Variants in EIF2S2 observed in about 807,000 individuals in gnomAD.
The protein encoded by EIF2S2 is eukaryotic translation initiation factor 2 subunit beta.
EIF2S2 carries 4 observed loss-of-function variants against 44.0 expected under a neutral mutation model. The ratio of observed to expected loss-of-function variants is 0.09; its 90% CI spans 0.04 to 0.21. The LOEUF is 0.21. Among genes scored for constraint, EIF2S2 ranks in the 10% least tolerant of loss-of-function variants. The pLI, the probability that EIF2S2 is intolerant of heterozygous loss-of-function variation, is 1.00. For missense variants in EIF2S2, 154 were observed against 392.0 expected, an observed-to-expected ratio of 0.39 and a Z score of 5.13; for synonymous variants, 108 against 128.3, an observed-to-expected ratio of 0.84 and a Z score of 1.07.
At chr20:34,101,193 C>A (rs535374470) in intron 3 of EIF2S2, among the ~76,000 whole-genome samples, 1 of 152,318 alleles carries the variant, frequency 6.6e-6, no homozygotes, top group South Asian at 2.1e-4. Context: ...ACCTGTCATC[C>A]CAGCACTTTG....
In EIF2S2 at chr20:34,101,099, T is replaced by G. The variant is rs371321444; in HGVS notation, c.297+2363A>C. Among the ~76,000 whole-genome samples, 31 of 152,356 alleles carry G rather than the reference T, an allele frequency of 2.0e-4. No homozygotes were observed. The East Asian group carries it at 4.4e-3, about 22-fold the overall frequency. ...TAGCTGGGAGTAAATAAAGCTCAGA[T>G]TCGGGATCCCAAATCCAGTTGTGTA... On this transcript the variant is annotated intron_variant, in intron 3 of 8. Transcript: ENST00000374980.
intron 1 of EIF2S2, among the ~76,000 whole-genome samples, chr20:34,111,641 G>C (rs905039627): frequency 6.6e-6 from 1 of 152,172 alleles, no homozygotes; most frequent in East Asian, 1.9e-4. Context: ...TACCGGCCCC[G>C]ACAAGATAGC....
intron 2 of EIF2S2, among the ~76,000 whole-genome samples, chr20:34,105,083 A>G (rs1292261123): frequency 1.3e-5 from 2 of 152,204 alleles, no homozygotes; most frequent in African/African-American, 2.4e-5. Flanking sequence ...ACACTCAAAT[A>G]CAACTACCAT....
At chr20:34,110,035 T>A (rs942862965) in intron 1 of EIF2S2, among the ~76,000 whole-genome samples, 1 of 147,896 alleles carries the variant, frequency 6.8e-6, no homozygotes, top group Non-Finnish European at 1.5e-5. Context: ...CAGGAGGCGG[T>A]TGCGGTGAGC....
chr20:34,088,452 G>C lies in EIF2S2; in HGVS notation c.*1278C>G, dbSNP rs564952868. 5 of 152,824 alleles carry C rather than the reference G, an allele frequency of 3.3e-5. No homozygotes were observed. The South Asian group carries it at 1.0e-3, about 32-fold the overall frequency. The allele number at this position is 152,824 out of a possible 1,614,324, so 9.5% of individuals were successfully genotyped here. A position where few individuals can be genotyped will look rare whatever the true frequency, so the allele number is the denominator to read the frequency against. On this transcript the variant is annotated 3_prime_UTR_variant, in exon 9 of 9. Transcript: ENST00000374980. Reference sequence around the variant, plus strand: ...TGGCAGTTGGTGGCAGTTTCAGCCAGTGTGTGGGTTGAGGGCCCTCTACTG... The same window carrying C: ...TGGCAGTTGGTGGCAGTTTCAGCCACTGTGTGGGTTGAGGGCCCTCTACTG...
At chr20:34,106,634 G>A (rs373783547) in intron 1 of EIF2S2, among the ~76,000 whole-genome samples, 1 of 151,898 alleles carries the variant, frequency 6.6e-6, no homozygotes, top group Admixed American at 6.6e-5. Flanking sequence ...GTTTCACCAT[G>A]CTCCCCAAGC....
intron 7 of EIF2S2, among the ~76,000 whole-genome samples, 186 bp from the exon 8 acceptor site, chr20:34,090,788 G>A (rs529065890): frequency 8.6e-5 from 13 of 151,988 alleles, no homozygotes; most frequent in Non-Finnish European, 1.9e-4. Context: ...ACACTCTGTC[G>A]CCCAGACTGG....
At chr20:34,099,942 G>T (rs2034276461) in intron 3 of EIF2S2, among the ~76,000 whole-genome samples, 1 of 152,200 alleles carries the variant, frequency 6.6e-6, no homozygotes, top group South Asian at 2.1e-4. Flanking sequence ...GTGCTCACCA[G>T]CATGTTAGCT....
chr20:34,105,232 A>C (rs1601538340), intron 2 of EIF2S2, 136 bp downstream of exon 2: 1 of 852,800 alleles, frequency 1.2e-6, no homozygotes, highest in East Asian at 2.5e-5. Context: ...GGTCCACTGC[A>C]TACAGACTAC....
chr20:34,096,443 C>A (rs561242229), intron 6 of EIF2S2, among the ~76,000 whole-genome samples: 3 of 152,020 alleles, frequency 2.0e-5, no homozygotes, highest in Non-Finnish European at 1.5e-5. Flanking sequence ...CCAGCCTGGG[C>A]GACAAAGCAA....
At chr20:34,101,615 T>C (rs2034296125) in intron 3 of EIF2S2, among the ~76,000 whole-genome samples, 1 of 151,948 alleles carries the variant, frequency 6.6e-6, no homozygotes, top group Non-Finnish European at 1.5e-5. Flanking sequence ...CCCAGTAAGA[T>C]CTACTTCCAT....
chr20:34,108,805 T>C (rs948446267), intron 1 of EIF2S2, among the ~76,000 whole-genome samples: 39 of 152,292 alleles, frequency 2.6e-4, no homozygotes, highest in African/African-American at 9.4e-4. Flanking sequence ...TTTATAGTCA[T>C]ACTATACCCA....
chr20:34,110,825 C>A (rs2034404101), intron 1 of EIF2S2, among the ~76,000 whole-genome samples: 1 of 152,218 alleles, frequency 6.6e-6, no homozygotes, highest in South Asian at 2.1e-4. Context: ...CACTGCCACT[C>A]TCAGAACTTT....
intron 2 of EIF2S2, 22 bp downstream of exon 2, chr20:34,105,346 C>T: frequency 1.2e-6 from 2 of 1,604,448 alleles, no homozygotes; most frequent in Non-Finnish European, 1.7e-6. Context: ...ACAACAGTAA[C>T]TCTCTCACAT....
At position 34,112,084 on chromosome 20, in the gene EIF2S2, T is replaced by C; in HGVS notation, c.15+12A>G. 1 of 1,556,388 alleles carries C rather than the reference T, an allele frequency of 6.4e-7. No homozygotes were observed. The highest frequency in any genetic ancestry group is 8.7e-7 in the Non-Finnish European group (1 of 1,148,180). On this transcript the variant is annotated intron_variant, in intron 1 of 8. Transcript: ENST00000374980. The stretch of plus-strand genomic sequence containing the variant: ...TCAATCCTTAGCCCTTACGCCGGGC[T>C]CAGATCCTCACCTCGTCCCCAGACA...
chr20:34,106,310 T>C (rs887844012), intron 1 of EIF2S2, among the ~76,000 whole-genome samples: 6 of 152,178 alleles, frequency 3.9e-5, no homozygotes, highest in African/African-American at 1.4e-4. Flanking sequence ...AAACAAAATT[T>C]TTTTTAACTA....
intron 7 of EIF2S2, among the ~76,000 whole-genome samples, chr20:34,091,365 T>C (rs1341794433): frequency 6.6e-6 from 1 of 152,222 alleles, no homozygotes; most frequent in African/African-American, 2.4e-5. Flanking sequence ...GATAAAAATA[T>C]ACTAAAATTG....
intron 3 of EIF2S2, among the ~76,000 whole-genome samples, chr20:34,100,595 C>T (rs1416690627): frequency 1.1e-4 from 17 of 151,790 alleles, no homozygotes; most frequent in Non-Finnish European, 2.4e-4. Context: ...GTTATCACTT[C>T]GGAGATTCCA....
rs901335400 is a variant in EIF2S2, at chr20:34,089,561, T to C, written c.*169A>G. 24 of 624,500 alleles carry C rather than the reference T, an allele frequency of 3.8e-5. No homozygotes were observed. Among genetic ancestry groups the C allele is most frequent in the Admixed American group, 6.8e-5 (2 of 29,336 alleles). The allele number at this position is 624,500 out of a possible 1,614,324, so 38.7% of individuals were successfully genotyped here. ...CAGGTGTTAAAGTAGGCAATGAGTA[T>C]GTCAACAGCTTGAGCATCAGCGTCT... On this transcript the variant is annotated 3_prime_UTR_variant, in exon 9 of 9. Transcript: ENST00000374980.
Sources: gnomAD v4.1 joint callset for allele counts (sites outside exome capture counted in the v4.1 genomes callset) on GRCh38, gnomAD v4.1.1 for gene constraint, MANE v1.5 for transcripts, NCBI Gene and HGNC (gene_info 2026-07-23, HGNC 2026-07-21) for gene names.